The following SPECC1L variants were observed in gnomAD, a reference collection of about 807,000 sequenced individuals.
The protein encoded by SPECC1L is cytospin-A.
Under a neutral mutation model 116.8 loss-of-function variants are expected in SPECC1L, and 40 were observed. That is an observed-to-expected ratio of 0.34 (90% confidence interval 0.27 to 0.45). SPECC1L has a LOEUF of 0.45. Ranked by LOEUF, SPECC1L falls within the 20% of genes least tolerant of loss-of-function variation. The pLI, the probability that SPECC1L is intolerant of heterozygous loss-of-function variation, is 1.00. For synonymous variants in SPECC1L, 504 were observed against 500.6 expected (o/e 1.01, Z -0.09); for missense variants, 1,110 against 1,373.6 (o/e 0.81, Z 3.03).
intron 4 of SPECC1L, among the ~76,000 whole-genome samples, chr22:24,317,117 G>A (rs1233922094): frequency 8.6e-6 from 1 of 116,490 alleles, no homozygotes; most frequent in African/African-American, 3.1e-5. Context: ...TGGACGGGGC[G>A]GCTGGCTGGG....
chr22:24,338,994 A>G (rs1466403472), intron 10 of SPECC1L, among the ~76,000 whole-genome samples: 1 of 152,226 alleles, frequency 6.6e-6, no homozygotes, highest in Non-Finnish European at 1.5e-5. Flanking sequence ...CTGCATAGCA[A>G]ATCACTTCAG....
At chr22:24,338,610 T>C (rs2041110229) in intron 10 of SPECC1L, 133 bp downstream of exon 10, 8 of 706,660 alleles carry the variant, frequency 1.1e-5, no homozygotes, top group Non-Finnish European at 2.0e-5. Flanking sequence ...AGAATTTGTT[T>C]CCTAAAATAC....
chr22:24,354,877 C>A (rs1427579748), intron 11 of SPECC1L, among the ~76,000 whole-genome samples: 1 of 151,838 alleles, frequency 6.6e-6, no homozygotes, highest in Non-Finnish European at 1.5e-5. Context: ...TTGGCCATCT[C>A]ATGACCTTGT....
At chr22:24,380,861 C>CT (rs144942358) in intron 14 of SPECC1L, among the ~76,000 whole-genome samples, 5,558 of 152,116 alleles carry the variant, frequency 0.037, 303 homozygotes, top group South Asian at 0.12. Flanking sequence ...TTGGGTCTTC[C>CT]TTTTTTTCTC....
At position 24,411,676 on chromosome 22, in the gene SPECC1L, C is replaced by A; in HGVS notation, c.3176C>A (p.Pro1059Gln). The stretch of plus-strand genomic sequence containing the variant: ...CATACATATCTCCCTGCCCACATTC[C>A]ATATCAAGAACTGAACAGCCAGGAT... ...LLHTYLPAHI[P>Q]YQELNSQDKR... Residue 1059 changes from proline to glutamine, a missense_variant, in exon 15 of 17, where the codon CCA becomes CAA. By Grantham distance (76) the Pro-to-Gln change is moderately conservative. Coordinates refer to ENST00000314328, the MANE Select transcript of SPECC1L (RefSeq NM_015330.6). 1 of 1,613,812 alleles carries A rather than the reference C, an allele frequency of 6.2e-7. No homozygotes were observed. The highest frequency in any genetic ancestry group is 8.5e-7 in the Non-Finnish European group (1 of 1,180,002).
In SPECC1L at chr22:24,358,646, G is replaced by A. The variant is rs148110625; in HGVS notation, c.2744-4615G>A. The stretch of plus-strand genomic sequence containing the variant: ...TCTGTTTTCGTGACTCTCCCTTTCT[G>A]GTATTTTCCCCACAGCCTCACTTTC... On this transcript the variant is annotated intron_variant, in intron 11 of 16. Transcript: ENST00000314328. Among the ~76,000 whole-genome samples, 1,243 of 152,118 alleles carry A rather than the reference G, an allele frequency of 8.2e-3. 20 individuals are homozygous for A. Among genetic ancestry groups the A allele is most frequent in the African/African-American group, 0.029 (1,190 of 41,496 alleles).
intron 2 of SPECC1L, among the ~76,000 whole-genome samples, chr22:24,292,156 G>A (rs995591308): frequency 1.3e-5 from 2 of 152,164 alleles, no homozygotes; most frequent in African/African-American, 4.8e-5. Context: ...GAACGGCCTT[G>A]GAGCTCTCTT....
intron 14 of SPECC1L, among the ~76,000 whole-genome samples, chr22:24,408,564 C>CT (rs1307135921): frequency 6.6e-6 from 1 of 152,250 alleles, no homozygotes; most frequent in Non-Finnish European, 1.5e-5. Context: ...GGCACACCAG[C>CT]CACCAGAGGC....
At chr22:24,356,619 T>C (rs754216752) in intron 11 of SPECC1L, among the ~76,000 whole-genome samples, 5 of 152,184 alleles carry the variant, frequency 3.3e-5, no homozygotes, top group Non-Finnish European at 5.9e-5. Flanking sequence ...TCTGACATTT[T>C]GTCTTTTAAT....
intron 2 of SPECC1L, among the ~76,000 whole-genome samples, chr22:24,294,330 T>C (rs2049214969): frequency 6.7e-6 from 1 of 148,398 alleles, no homozygotes; most frequent in Admixed American, 6.7e-5. Flanking sequence ...TTACATGTCC[T>C]GTTTATTCCT....
intron 14 of SPECC1L, among the ~76,000 whole-genome samples, chr22:24,376,108 A>G (rs1045355298): frequency 2.0e-4 from 30 of 152,348 alleles, no homozygotes; most frequent in African/African-American, 7.2e-4. Flanking sequence ...AGTTCTAGCT[A>G]AGACAGACAA....
chr22:24,359,588 A>G (rs1340000571), intron 11 of SPECC1L, among the ~76,000 whole-genome samples: 1 of 151,798 alleles, frequency 6.6e-6, no homozygotes, highest in East Asian at 1.9e-4. Flanking sequence ...TTTGCCAACT[A>G]GATAAAGTCC....
chr22:24,369,358 G>A (rs754366343), intron 14 of SPECC1L, 38 bp downstream of exon 14: 8 of 1,449,388 alleles, frequency 5.5e-6, no homozygotes, highest in South Asian at 1.1e-5. Context: ...TGAGTAATTG[G>A]CAAACCAACT....
intron 2 of SPECC1L, among the ~76,000 whole-genome samples, chr22:24,284,119 T>C (rs1314045118): frequency 6.6e-6 from 1 of 152,158 alleles, no homozygotes. Flanking sequence ...TTCTCCATAC[T>C]TTGTGTTTCA....
At chr22:24,294,988 G>A (rs2049231518) in intron 2 of SPECC1L, among the ~76,000 whole-genome samples, 1 of 152,094 alleles carries the variant, frequency 6.6e-6, no homozygotes, top group Non-Finnish European at 1.5e-5. Context: ...ACCTTATATG[G>A]TAGGTAAGAG....
intron 9 of SPECC1L, among the ~76,000 whole-genome samples, chr22:24,334,986 C>G (rs1004217643): frequency 6.6e-6 from 1 of 152,140 alleles, no homozygotes; most frequent in Non-Finnish European, 1.5e-5. Context: ...GTCCAAAAAC[C>G]AAACTCTTGT....
intron 14 of SPECC1L, among the ~76,000 whole-genome samples, chr22:24,384,895 T>C (rs963128222): frequency 1.3e-5 from 2 of 151,932 alleles, no homozygotes; most frequent in Admixed American, 1.3e-4. Context: ...GCTAACATAG[T>C]GAAACCCCGT....
intron 14 of SPECC1L, among the ~76,000 whole-genome samples, chr22:24,385,624 A>G (rs1213214844): frequency 6.6e-6 from 1 of 152,238 alleles, no homozygotes; most frequent in African/African-American, 2.4e-5. Context: ...ATAAAGAATT[A>G]AAACAATAAC....
chr22:24,291,237 G>A (rs959429804), intron 2 of SPECC1L, among the ~76,000 whole-genome samples: 3 of 152,118 alleles, frequency 2.0e-5, no homozygotes, highest in South Asian at 2.1e-4. Context: ...GTTTGATTCC[G>A]TGTTCTGAAA....
Sources: allele counts gnomAD v4.1 joint callset (sites outside exome capture counted in the v4.1 genomes callset), GRCh38; gene constraint gnomAD v4.1.1; transcripts MANE v1.5; gene names NCBI Gene and HGNC (gene_info 2026-07-23, HGNC 2026-07-21).